Variants in CCDC85A observed in about 807,000 individuals in gnomAD.
CCDC85A encodes the protein coiled-coil domain-containing protein 85A.
CCDC85A carries 38 observed loss-of-function variants against 50.2 expected under a neutral mutation model. The ratio of observed to expected loss-of-function variants is 0.76; its 90% confidence interval spans 0.58 to 0.99. The LOEUF (loss-of-function observed/expected upper bound fraction) is 0.99, where lower values mean the gene tolerates loss of function less well. CCDC85A is among the 50% of genes least tolerant of loss of function. The pLI is 0.00. For missense variants in CCDC85A, 820 were observed against 742.0 expected (o/e 1.11, Z -1.22); for synonymous variants, 366 against 301.4 (o/e 1.21, Z -2.22).
chr2:56,355,627 TA>T (rs1225440918), intron 3 of CCDC85A, among the ~76,000 whole-genome samples: 7 of 152,142 alleles, frequency 4.6e-5, no homozygotes, highest in Non-Finnish European at 8.8e-5. Flanking sequence ...AAGAGAAAAA[TA>T]AAATAAGACA....
At position 56,288,615 on chromosome 2, in the gene CCDC85A, T is replaced by C. The variant is rs1162928490; in HGVS notation, c.1241-54264T>C. Among the ~76,000 whole-genome samples the C allele has an allele frequency of 2.0e-5, 3 of 152,132 alleles. No individual in the cohort carries two copies. In the East Asian group the frequency reaches 5.8e-4, roughly 29 times the overall value. Reference sequence around the variant, plus strand: ...AAAATGACATTTCCAGAACCGAGTTTAGTGGTGTATTTTCCAACACACCGA... The same window carrying C: ...AAAATGACATTTCCAGAACCGAGTTCAGTGGTGTATTTTCCAACACACCGA... On this transcript the variant is annotated intron_variant, in intron 2 of 5. Transcript: ENST00000407595.
chr2:56,184,365 G>C lies in CCDC85A; in HGVS notation c.-260G>C. 4.1e-6 allele frequency: 2 copies of C among 490,276 alleles called. No homozygotes were observed. Among genetic ancestry groups the C allele is most frequent in the Non-Finnish European group, 6.0e-6 (2 of 334,914 alleles). The allele number at this position is 490,276 out of a possible 1,614,324, so 30.4% of individuals were successfully genotyped here. A position where few individuals can be genotyped will look rare whatever the true frequency, so the allele number is the denominator to read the frequency against. On this transcript the variant is annotated 5_prime_UTR_variant, in exon 1 of 6. Transcript: ENST00000407595. ...CCCCAGTGCCCCTCACCATGGACTT[G>C]CGCGGAGTTGGGACGGGCCTCGGCA...
intron 4 of CCDC85A, among the ~76,000 whole-genome samples, chr2:56,374,807 T>A (rs1005047134): frequency 6.6e-6 from 1 of 152,200 alleles, no homozygotes; most frequent in African/African-American, 2.4e-5. Flanking sequence ...AGTCTGCAAG[T>A]TAATATTCCA....
chr2:56,375,724 C>A, intron 4 of CCDC85A, 92 bp from the exon 5 acceptor site: 1 of 1,346,194 alleles, frequency 7.4e-7, no homozygotes, highest in Non-Finnish European at 1.0e-6. Context: ...ATGGCTAATT[C>A]TCATTTGGTA....
intron 2 of CCDC85A, among the ~76,000 whole-genome samples, chr2:56,320,184 G>C (rs1490232370): frequency 6.6e-6 from 1 of 151,826 alleles, no homozygotes; most frequent in Non-Finnish European, 1.5e-5. Context: ...CAAGAGAAAG[G>C]AGGAGAGATC....
intron 3 of CCDC85A, among the ~76,000 whole-genome samples, chr2:56,369,520 C>T (rs1675971274): frequency 6.6e-6 from 1 of 152,124 alleles, no homozygotes; most frequent in Admixed American, 6.5e-5. Flanking sequence ...TGCAAATGTC[C>T]ATATGTGAAT....
chr2:56,381,445 T>G (rs537889479), intron 5 of CCDC85A, among the ~76,000 whole-genome samples: 1 of 152,156 alleles, frequency 6.6e-6, no homozygotes, highest in African/African-American at 2.4e-5. Flanking sequence ...GAATAGTATG[T>G]GGACCTCCTT....
chr2:56,200,660 G>A (rs1452179071), intron 2 of CCDC85A, among the ~76,000 whole-genome samples: 1 of 152,124 alleles, frequency 6.6e-6, no homozygotes, highest in East Asian at 1.9e-4. Flanking sequence ...TTTTGAAAAG[G>A]GAAAATGGCA....
chr2:56,198,826 A>G (rs561012142), intron 2 of CCDC85A, among the ~76,000 whole-genome samples: 1 of 152,340 alleles, frequency 6.6e-6, no homozygotes, highest in Non-Finnish European at 1.5e-5. Flanking sequence ...ACATATGTTT[A>G]TATACATTTC....
chr2:56,317,100 G>T (rs1201057148), intron 2 of CCDC85A, among the ~76,000 whole-genome samples: 1 of 152,020 alleles, frequency 6.6e-6, no homozygotes, highest in Non-Finnish European at 1.5e-5. Flanking sequence ...AATGGAAGAT[G>T]GCAAAGTGGA....
At position 56,184,511 on chromosome 2, in the gene CCDC85A, C is replaced by G; in HGVS notation, c.-114C>G. On this transcript the variant is annotated 5_prime_UTR_variant, in exon 1 of 6. Transcript: ENST00000407595. ...CAACCCAGCGGCCCCTGGGCGGTGCCGCTGACTCGCCGGAGCGCACAGGGG... is the reference window on the plus strand; with the variant it reads ...CAACCCAGCGGCCCCTGGGCGGTGCGGCTGACTCGCCGGAGCGCACAGGGG... 3 of 1,181,324 alleles carry G rather than the reference C, an allele frequency of 2.5e-6. No homozygotes were observed. The highest frequency in any genetic ancestry group is 3.2e-6 in the Non-Finnish European group (3 of 931,518). 73.2% of individuals were successfully genotyped at this position (1,181,324 alleles called of 1,614,324 possible). A position where few individuals can be genotyped will look rare whatever the true frequency, so the allele number is the denominator to read the frequency against.
At chr2:56,282,461 G>A (rs146472826) in intron 2 of CCDC85A, among the ~76,000 whole-genome samples, 2 of 152,296 alleles carry the variant, frequency 1.3e-5, no homozygotes, top group African/African-American at 4.8e-5. Flanking sequence ...GGATTGTGTT[G>A]TGTCTATATA....
intron 2 of CCDC85A, among the ~76,000 whole-genome samples, chr2:56,224,765 A>T (rs375430432): frequency 1.3e-5 from 2 of 152,174 alleles, no homozygotes; most frequent in South Asian, 4.1e-4. Flanking sequence ...TGTCTATTCA[A>T]GTCTTTTCCC....
intron 3 of CCDC85A, among the ~76,000 whole-genome samples, chr2:56,350,838 T>A (rs577498555): frequency 3.2e-4 from 48 of 151,008 alleles, no homozygotes; most frequent in African/African-American, 9.9e-4. Context: ...TCAGTTTCTT[T>A]TTTATTTATT....
intron 2 of CCDC85A, among the ~76,000 whole-genome samples, chr2:56,319,265 C>T (rs1463258446): frequency 6.6e-6 from 1 of 152,066 alleles, no homozygotes; most frequent in Non-Finnish European, 1.5e-5. Context: ...AAAACTGAGA[C>T]ACAGGAGTTT....
At chr2:56,301,974 G>T (rs1179181130) in intron 2 of CCDC85A, among the ~76,000 whole-genome samples, 1 of 152,140 alleles carries the variant, frequency 6.6e-6, no homozygotes, top group African/African-American at 2.4e-5. Flanking sequence ...ATCATAAATA[G>T]GCCGGGCGTA....
At chr2:56,218,754 T>G (rs1668194518) in intron 2 of CCDC85A, among the ~76,000 whole-genome samples, 2 of 151,848 alleles carry the variant, frequency 1.3e-5, no homozygotes, top group Admixed American at 1.3e-4. Context: ...GTACAATTCC[T>G]ACATTTTTCC....
chr2:56,331,968 C>T (rs532712158), intron 2 of CCDC85A, among the ~76,000 whole-genome samples: 125 of 152,248 alleles, frequency 8.2e-4, no homozygotes, highest in Non-Finnish European at 1.4e-3. Flanking sequence ...TGCTCTCTGG[C>T]GGTGCAGAGC....
chr2:56,278,236 A>C (rs1389852242), intron 2 of CCDC85A, among the ~76,000 whole-genome samples: 2 of 152,064 alleles, frequency 1.3e-5, no homozygotes, highest in African/African-American at 4.8e-5. Flanking sequence ...TTAATGAATA[A>C]AATCAAGAAA....
Sources: gnomAD v4.1 joint callset for allele counts (sites outside exome capture counted in the v4.1 genomes callset) on GRCh38, gnomAD v4.1.1 for gene constraint, MANE v1.5 for transcripts, NCBI Gene and HGNC (gene_info 2026-07-23, HGNC 2026-07-21) for gene names.